LHFPL4: variants seen among roughly 807,000 people sequenced by gnomAD.
LHFPL4 encodes LHFPL tetraspan subfamily member 4 protein.
A neutral mutation model predicts 20.0 loss-of-function variants in LHFPL4; 6 were observed. The observed-to-expected ratio is 0.30, with a 90% CI of 0.16 to 0.59. The LOEUF is 0.59. Ranked by LOEUF, LHFPL4 falls within the 20% of genes least tolerant of loss-of-function variation. The probability of loss-of-function intolerance (pLI) is 0.88; values close to 1 mark genes in which losing one functional copy is unlikely to be tolerated. For missense variants in LHFPL4, 215 were observed against 331.2 expected (o/e 0.65, Z 2.72); for synonymous variants, 129 against 143.8 (o/e 0.90, Z 0.74).
intron 2 of LHFPL4, among the ~76,000 whole-genome samples, chr3:9,523,194 A>G (rs1462057442): frequency 6.6e-6 from 1 of 150,872 alleles, no homozygotes; most frequent in African/African-American, 2.4e-5. Context: ...TGAGGCGGGT[A>G]GATCACAAGG....
intron 2 of LHFPL4, among the ~76,000 whole-genome samples, chr3:9,530,013 G>C (rs2046399504): frequency 6.8e-6 from 1 of 146,376 alleles, no homozygotes; most frequent in Non-Finnish European, 1.5e-5. Flanking sequence ...AAACACATGT[G>C]CTGTCATTCA....
At chr3:9,531,248 C>T (rs946371623) in intron 2 of LHFPL4, among the ~76,000 whole-genome samples, 2 of 152,148 alleles carry the variant, frequency 1.3e-5, no homozygotes, top group African/African-American at 4.8e-5. Flanking sequence ...TGACACAGAG[C>T]CACGAAGTGG....
At chr3:9,530,323 T>G (rs113404294) in intron 2 of LHFPL4, among the ~76,000 whole-genome samples, 5 of 152,372 alleles carry the variant, frequency 3.3e-5, no homozygotes, top group Admixed American at 1.3e-4. Context: ...TTCTAGTGAC[T>G]TGCTGTAGCT....
chr3:9,531,047 G>A (rs2046405892), intron 2 of LHFPL4, among the ~76,000 whole-genome samples: 2 of 152,190 alleles, frequency 1.3e-5, no homozygotes, highest in South Asian at 2.1e-4. Flanking sequence ...GAGAGAGACA[G>A]GGGAACAGCC....
At chr3:9,516,239 G>C (rs1246629628) in intron 2 of LHFPL4, among the ~76,000 whole-genome samples, 1 of 152,044 alleles carries the variant, frequency 6.6e-6, no homozygotes, top group African/African-American at 2.4e-5. Context: ...ATTTATGTCT[G>C]TGAAACATTT....
In LHFPL4 at chr3:9,498,811, T is replaced by C. The variant is rs1236561844; in HGVS notation, c.*3400A>G. Reference sequence around the variant, plus strand: ...GCCAGGGACTCTCCCCACAGCCTTATCTAAAAGTTCTCATCATCTTGGCTA... The same window carrying C: ...GCCAGGGACTCTCCCCACAGCCTTACCTAAAAGTTCTCATCATCTTGGCTA... On this transcript the variant is annotated 3_prime_UTR_variant, in exon 4 of 4. Coordinates refer to ENST00000287585, the MANE Select transcript of LHFPL4 (RefSeq NM_198560.3). 6.5e-6 allele frequency: 1 copy of C among 152,702 alleles called. No homozygotes were observed. Among genetic ancestry groups the C allele is most frequent in the Non-Finnish European group, 1.5e-5 (1 of 68,070 alleles). The allele number at this position is 152,702 out of a possible 1,614,324, so 9.5% of individuals were successfully genotyped here.
Position 9,552,691 on chromosome 3 carries a change from G to T in LHFPL4, c.-12C>A. 7.3e-7 allele frequency: 1 copy of T among 1,371,220 alleles called. No individual in the cohort carries two copies. The highest frequency in any genetic ancestry group is 9.5e-7 in the Non-Finnish European group (1 of 1,057,642). 84.9% of individuals were successfully genotyped at this position (1,371,220 alleles called of 1,614,324 possible). ...TGCGAGGGCAGCATGGTGCCCGGAGGCGGGGCCGGCGGCGGCGGCGGCTGG... is the reference window on the plus strand; with the variant it reads ...TGCGAGGGCAGCATGGTGCCCGGAGTCGGGGCCGGCGGCGGCGGCGGCTGG... On this transcript the variant is annotated 5_prime_UTR_variant, in exon 2 of 4. Coordinates refer to ENST00000287585, the MANE Select transcript of LHFPL4 (RefSeq NM_198560.3).
chr3:9,525,920 G>A (rs543690163), intron 2 of LHFPL4, among the ~76,000 whole-genome samples: 22 of 152,278 alleles, frequency 1.4e-4, no homozygotes, highest in African/African-American at 5.1e-4. Flanking sequence ...CTGAGTCCAT[G>A]CTCTTAACTA....
chr3:9,542,205 G>C (rs1240737548), intron 2 of LHFPL4, among the ~76,000 whole-genome samples: 1 of 152,098 alleles, frequency 6.6e-6, no homozygotes, highest in Non-Finnish European at 1.5e-5. Context: ...AGAATCGCTT[G>C]AACCCAGGTG....
chr3:9,503,683 T>A (rs1396337630), intron 3 of LHFPL4, among the ~76,000 whole-genome samples: 1 of 152,238 alleles, frequency 6.6e-6, no homozygotes, highest in Non-Finnish European at 1.5e-5. Context: ...TATTGTATTT[T>A]AATGCTACTT....
At chr3:9,553,159 T>C (rs1256185334) in intron 1 of LHFPL4, among the ~76,000 whole-genome samples, 2 of 150,256 alleles carry the variant, frequency 1.3e-5, no homozygotes, top group Admixed American at 1.3e-4. Context: ...TGGGGACTGG[T>C]ATTAAGGGGT....
In LHFPL4 at chr3:9,510,454, G is replaced by T. The variant is rs568930649; in HGVS notation, c.407-4251C>A. Among the ~76,000 whole-genome samples the T allele has an allele frequency of 1.9e-4, 28 of 146,436 alleles. 1 individual carries two copies. The South Asian group carries it at 5.3e-3, about 28-fold the overall frequency. ...ATGGTTTCAAAAAAAAAAAAAAAAG[G>T]CCCTAATGTAGGGGATTATCCCTGG... On this transcript the variant is annotated intron_variant, in intron 2 of 3. Transcript: ENST00000287585.
Position 9,499,554 on chromosome 3 carries a change from A to AGCCT in LHFPL4, c.*2653_*2656dup, listed in dbSNP as rs545285937. ...TGCCAGGCTACCCCACCAGGGAACT[A>AGCCT]GCCTCCCTCCTCTCCACCCGGCGCT... On this transcript the variant is annotated 3_prime_UTR_variant, in exon 4 of 4. Coordinates refer to ENST00000287585, the MANE Select transcript of LHFPL4 (RefSeq NM_198560.3). 8 of 152,422 alleles carry AGCCT rather than the reference A, an allele frequency of 5.2e-5. No homozygotes were observed. In the East Asian group the frequency reaches 1.5e-3, roughly 30 times the overall value. The allele number at this position is 152,422 out of a possible 1,614,324, so 9.4% of individuals were successfully genotyped here.
intron 3 of LHFPL4, among the ~76,000 whole-genome samples, chr3:9,505,590 AT>A (rs1247883687): frequency 2.6e-5 from 4 of 152,040 alleles, no homozygotes; most frequent in Admixed American, 6.6e-5. Flanking sequence ...AGTCCGGCTA[AT>A]TTTTTTGTAT....
chr3:9,545,810 G>C (rs1457822537), intron 2 of LHFPL4, among the ~76,000 whole-genome samples: 1 of 151,644 alleles, frequency 6.6e-6, no homozygotes, highest in Non-Finnish European at 1.5e-5. Flanking sequence ...TGAGGGAGCT[G>C]AGGTGGGAGG....
At position 9,500,429 on chromosome 3, in the gene LHFPL4, T is replaced by A. The variant is rs1575654852; in HGVS notation, c.*1782A>T. The A allele has an allele frequency of 6.7e-6, 1 of 150,296 alleles. No homozygotes were observed. The highest frequency in any genetic ancestry group is 2.0e-4 in the East Asian group (1 of 5,074). The allele number at this position is 150,296 out of a possible 1,614,324, so 9.3% of individuals were successfully genotyped here. ...GCGGGGAGGCTTTGCCCGGGAGGAG[T>A]AAGTGGAGGAGTGAAGTCGGGACTT... On this transcript the variant is annotated 3_prime_UTR_variant, in exon 4 of 4. Coordinates refer to ENST00000287585, the MANE Select transcript of LHFPL4 (RefSeq NM_198560.3).
At chr3:9,545,208 AAG>A (rs1485119870) in intron 2 of LHFPL4, among the ~76,000 whole-genome samples, 2 of 152,076 alleles carry the variant, frequency 1.3e-5, no homozygotes, top group African/African-American at 2.4e-5. Context: ...AGTACTAAAA[AAG>A]AGAGAGGAAG....
At position 9,506,755 on chromosome 3, in the gene LHFPL4, A is replaced by G. The variant is rs1211923683; in HGVS notation, c.407-552T>C. Among the ~76,000 whole-genome samples the G allele has an allele frequency of 1.3e-5, 2 of 151,752 alleles. No individual in the cohort carries two copies. Among genetic ancestry groups the G allele is most frequent in the Non-Finnish European group, 2.9e-5 (2 of 67,958 alleles). ...CCCACCATGTCCGGCTCATTTTTGT[A>G]TTTTTAGTAGAGATGAGGTTTCACC... On this transcript the variant is annotated intron_variant, in intron 2 of 3. Coordinates refer to ENST00000287585, the MANE Select transcript of LHFPL4 (RefSeq NM_198560.3). This position sits in a 1 kb window ranked among gnomAD's most constrained non-coding sequence, Gnocchi z 4.5.
At chr3:9,505,634 C>G (rs2046212105) in intron 3 of LHFPL4, among the ~76,000 whole-genome samples, 1 of 152,126 alleles carries the variant, frequency 6.6e-6, no homozygotes, top group South Asian at 2.1e-4. Flanking sequence ...CCGTGTTAGC[C>G]AGGATGGTCT....
Sources: gnomAD v4.1 joint callset for allele counts (sites outside exome capture counted in the v4.1 genomes callset) on GRCh38, gnomAD v4.1.1 for gene constraint, Gnocchi (gnomAD v3.1) non-coding constraint, MANE v1.5 for transcripts, NCBI Gene and HGNC (gene_info 2026-07-23, HGNC 2026-07-21) for gene names.